The following PDCD2L variants were observed in gnomAD, a reference collection of about 807,000 sequenced individuals.
PDCD2L encodes uS5 assembly chaperone PDCD2L.
A neutral mutation model predicts 40.4 loss-of-function variants in PDCD2L; 44 were observed. The ratio of observed to expected loss-of-function variants is 1.09; its 90% CI spans 0.86 to 1.40. The LOEUF is 1.40. Among genes scored for constraint, PDCD2L ranks in the 40% most tolerant of loss-of-function variants. PDCD2L has a pLI of 0.00. For synonymous variants in PDCD2L, 194 were observed against 174.6 expected (o/e 1.11, Z -0.88); for missense variants, 470 against 453.7 (o/e 1.04, Z -0.33).
At chr19:34,413,942 C>A in intron 5 of PDCD2L, 95 bp downstream of exon 5, 1 of 757,042 alleles carries the variant, frequency 1.3e-6, no homozygotes, top group South Asian at 1.7e-5. Context: ...AAAAGCAAAA[C>A]CTACAGTATT....
chr19:34,407,641 A>G (rs2075083047), intron 3 of PDCD2L, among the ~76,000 whole-genome samples: 1 of 152,088 alleles, frequency 6.6e-6, no homozygotes, highest in South Asian at 2.1e-4. Flanking sequence ...CATTGTATAT[A>G]TAGTAGTTTT....
At chr19:34,416,650 C>G (rs911036869) in intron 5 of PDCD2L, among the ~76,000 whole-genome samples, 2 of 152,162 alleles carry the variant, frequency 1.3e-5, no homozygotes, top group East Asian at 1.9e-4. Context: ...GACAGGAAAT[C>G]AATGAGAACC....
intron 5 of PDCD2L, among the ~76,000 whole-genome samples, chr19:34,416,544 A>G (rs183508517): frequency 2.6e-5 from 4 of 152,324 alleles, no homozygotes; most frequent in African/African-American, 7.2e-5. Flanking sequence ...CAGAAGAACT[A>G]TCTCCTCACC....
Position 34,404,964 on chromosome 19 carries a change from C to G in PDCD2L, c.310C>G (p.Pro104Ala). Residue 104 changes from proline to alanine, a missense_variant, in exon 3 of 7, where the codon CCA becomes GCA. Coordinates refer to ENST00000246535, the MANE Select transcript of PDCD2L (RefSeq NM_032346.2). ...KVFRSQCLQV[P>A]EREAQDAQKQ... Reference sequence around the variant, plus strand: ...GTTCCGCTCCCAGTGCCTGCAGGTGCCAGAGAGAGAGGCGCAGGACGCTCA... The same window carrying G: ...GTTCCGCTCCCAGTGCCTGCAGGTGGCAGAGAGAGAGGCGCAGGACGCTCA... 1 of 1,614,122 alleles carries G rather than the reference C, an allele frequency of 6.2e-7. No homozygotes were observed. The highest frequency in any genetic ancestry group is 8.5e-7 in the Non-Finnish European group (1 of 1,180,024).
At chr19:34,417,367 T>C (rs1472257482) in intron 5 of PDCD2L, among the ~76,000 whole-genome samples, 1 of 152,076 alleles carries the variant, frequency 6.6e-6, no homozygotes, top group African/African-American at 2.4e-5. Flanking sequence ...CCCAGCACTT[T>C]GGGAGGCCAA....
At chr19:34,424,177 A>C (rs982528823) in intron 6 of PDCD2L, among the ~76,000 whole-genome samples, 3 of 152,094 alleles carry the variant, frequency 2.0e-5, no homozygotes, top group Non-Finnish European at 1.5e-5. Flanking sequence ...GCTTATGGGC[A>C]TTCTAGTCTC....
At chr19:34,421,456 C>A in intron 5 of PDCD2L, 63 bp from the exon 6 acceptor site, 1 of 1,582,552 alleles carries the variant, frequency 6.3e-7, no homozygotes, top group Non-Finnish European at 8.6e-7. Context: ...CAAAGCATGG[C>A]CTTAGATGCT....
At chr19:34,420,944 CTG>C (rs1660810471) in intron 5 of PDCD2L, among the ~76,000 whole-genome samples, 1 of 152,130 alleles carries the variant, frequency 6.6e-6, no homozygotes, top group South Asian at 2.1e-4. Flanking sequence ...TGGGATGAAA[CTG>C]TTCACCTCAG....
intron 3 of PDCD2L, among the ~76,000 whole-genome samples, 197 bp downstream of exon 3, chr19:34,405,187 C>G (rs1276535259): frequency 7.1e-6 from 1 of 140,076 alleles, no homozygotes; most frequent in Non-Finnish European, 1.5e-5. Flanking sequence ...CGCTCTGTCG[C>G]CCAGGCTGGA....
chr19:34,423,496 T>C (rs899595555), intron 6 of PDCD2L, among the ~76,000 whole-genome samples: 15 of 143,964 alleles, frequency 1.0e-4, no homozygotes, highest in African/African-American at 3.6e-4. Flanking sequence ...AGTATCTTTT[T>C]TTTTTTTTTT....
intron 6 of PDCD2L, among the ~76,000 whole-genome samples, chr19:34,424,762 T>TTTG (rs2075168239): frequency 6.7e-6 from 1 of 150,258 alleles, no homozygotes; most frequent in African/African-American, 2.4e-5. Context: ...TTTTTTTTTT[T>TTTG]GAGACAGAGT....
rs1400003863 is a variant in PDCD2L at position 34,413,760 on chromosome 19, A to C, written c.710A>C (p.Lys237Thr). 6.3e-7 allele frequency: 1 copy of C among 1,598,366 alleles called. No individual in the cohort carries two copies. The highest frequency in any genetic ancestry group is 1.7e-5 in the Admixed American group (1 of 59,124). The change falls in exon 5 of 7, where the codon AAA becomes ACA. Residue 237 changes from lysine (K) to threonine (T), a missense_variant. Coordinates refer to ENST00000246535, the MANE Select transcript of PDCD2L (RefSeq NM_032346.2). ...AGCCTTCCTAATGATGGTGATGAAA[A>C]ATATGAGAAGACCATAATTAAAAGT... The part of the protein sequence containing the change: ...SQSLPNDGDE[K>T]YEKTIIKSGD...
At chr19:34,418,650 G>A (rs564641575) in intron 5 of PDCD2L, among the ~76,000 whole-genome samples, 6 of 152,256 alleles carry the variant, frequency 3.9e-5, no homozygotes, top group Non-Finnish European at 5.9e-5. Flanking sequence ...GGAATAGAAC[G>A]GTTGTATTAT....
intron 5 of PDCD2L, among the ~76,000 whole-genome samples, chr19:34,420,791 A>T (rs1443275573): frequency 1.1e-4 from 1 of 8,866 alleles, no homozygotes; most frequent in African/African-American, 1.5e-4. Context: ...GGCTTTATCT[A>T]AAAAAAAAAA....
intron 5 of PDCD2L, among the ~76,000 whole-genome samples, chr19:34,418,872 A>C (rs2075136685): frequency 6.6e-6 from 1 of 152,208 alleles, no homozygotes. Context: ...ATGGCAAATG[A>C]TGTTGAGCAT....
At position 34,409,149 on chromosome 19, in the gene PDCD2L, G is replaced by C. The variant is rs771489923; in HGVS notation, c.337-12G>C. ...AATGTGCTCGGACCTCATTCACTGA[G>C]TATTTTTCCAGAAACAGGGAAACAG... On this transcript the variant is annotated splice_polypyrimidine_tract_variant and intron_variant, in intron 3 of 6. Transcript: ENST00000246535. 3.8e-5 allele frequency: 61 copies of C among 1,605,538 alleles called. No homozygotes were observed. The highest frequency in any genetic ancestry group is 5.0e-5 in the Admixed American group (3 of 59,816).
intron 3 of PDCD2L, among the ~76,000 whole-genome samples, 153 bp downstream of exon 3, chr19:34,405,143 G>GTTTTTTTTTTT (rs74177144): frequency 9.0e-6 from 1 of 111,078 alleles, no homozygotes; most frequent in Non-Finnish European, 1.7e-5. Flanking sequence ...TTTTCGTAAA[G>GTTTTTTTTTTT]TTTTTTTTTT....
At chr19:34,406,452 C>G (rs977148909) in intron 3 of PDCD2L, among the ~76,000 whole-genome samples, 1 of 151,210 alleles carries the variant, frequency 6.6e-6, no homozygotes, top group African/African-American at 2.4e-5. Flanking sequence ...GTGGCGCCGT[C>G]TCTGCTCACT....
intron 6 of PDCD2L, among the ~76,000 whole-genome samples, chr19:34,423,790 A>G (rs2075164005): frequency 6.6e-6 from 1 of 152,136 alleles, no homozygotes; most frequent in Non-Finnish European, 1.5e-5. Flanking sequence ...GCGCCTGGCC[A>G]GTATCATAAT....
Sources: gnomAD v4.1 joint callset for allele counts (sites outside exome capture counted in the v4.1 genomes callset) on GRCh38, gnomAD v4.1.1 for gene constraint, MANE v1.5 for transcripts, NCBI Gene and HGNC (gene_info 2026-07-23, HGNC 2026-07-21) for gene names.